Variants in KCNQ4 observed in about 807,000 individuals in gnomAD.
The protein encoded by KCNQ4 is potassium voltage-gated channel subfamily KQT member 4.
In KCNQ4, 31 loss-of-function variants were observed where a neutral mutation model predicts 72.6. The observed-to-expected ratio is 0.43, with a 90% CI of 0.32 to 0.58. KCNQ4 has a LOEUF of 0.58. Among genes scored for constraint, KCNQ4 ranks in the 20% least tolerant of loss-of-function variants. The pLI, the probability that KCNQ4 is intolerant of heterozygous loss-of-function variation, is 0.08. For synonymous variants in KCNQ4, 405 were observed against 403.7 expected, an observed-to-expected ratio of 1.00 and a Z score of -0.04; for missense variants, 869 against 962.6, an observed-to-expected ratio of 0.90 and a Z score of 1.29.
intron 10 of KCNQ4, among the ~76,000 whole-genome samples, chr1:40,832,487 C>T (rs968231598): frequency 2.0e-5 from 3 of 152,194 alleles, no homozygotes; most frequent in African/African-American, 7.2e-5. Context: ...CACCTCTCTG[C>T]GCAACACAGG....
At chr1:40,825,401 G>A (rs956703949) in intron 9 of KCNQ4, among the ~76,000 whole-genome samples, 5 of 152,182 alleles carry the variant, frequency 3.3e-5, no homozygotes, top group Non-Finnish European at 2.9e-5. Context: ...GCGGAAAATC[G>A]GCAGTGTTTA....
rs374376025 is a variant in KCNQ4, at chr1:40,824,172, G to A, written c.1206G>A (p.Ala402=). The change falls in exon 9 of 14, where the codon GCG becomes GCA. Residue 402 remains alanine, a synonymous_variant. Transcript: ENST00000347132. The part of the protein sequence containing the change: ...GGLRPLEVRR[A]PVPDGAPSRY... ...TACGGCCCCTGGAGGTGCGGCGGGC[G>A]CCGGTACCCGACGGAGCACCCTCCC... is the stretch of plus-strand genomic sequence containing the variant. The A allele has an allele frequency of 1.4e-4, 215 of 1,558,250 alleles. No individual in the cohort carries two copies. Among genetic ancestry groups the A allele is most frequent in the Middle Eastern group, 3.5e-4 (2 of 5,666 alleles).
chr1:40,836,553 A>G (rs7524000), intron 12 of KCNQ4, among the ~76,000 whole-genome samples: 3 of 152,196 alleles, frequency 2.0e-5, no homozygotes, highest in Admixed American at 6.5e-5. Flanking sequence ...GAAGACATCA[A>G]CTAGTGAGTG....
chr1:40,806,131 G>A (rs1007031417), intron 1 of KCNQ4, among the ~76,000 whole-genome samples: 7 of 152,182 alleles, frequency 4.6e-5, no homozygotes, highest in South Asian at 4.1e-4. Flanking sequence ...GTGAGCCACC[G>A]CGCCCGGCCT....
Position 40,827,494 on chromosome 1 carries a change from G to A in KCNQ4, c.1292+3236G>A, listed in dbSNP as rs566780892. Among the ~76,000 whole-genome samples the A allele has an allele frequency of 2.4e-4, 37 of 152,298 alleles. No homozygotes were observed. The South Asian group carries it at 5.8e-3, about 24-fold the overall frequency. On this transcript the variant is annotated intron_variant, in intron 9 of 13. Coordinates refer to ENST00000347132, the MANE Select transcript of KCNQ4 (RefSeq NM_004700.4). ...CCCCCCTGAGACTGGACATCAGAGCGAAGGTTGGGGGCAGAGCTGGGTCAT... is the reference window on the plus strand; with the variant it reads ...CCCCCCTGAGACTGGACATCAGAGCAAAGGTTGGGGGCAGAGCTGGGTCAT...
At chr1:40,797,408 A>G (rs1346558934) in intron 1 of KCNQ4, among the ~76,000 whole-genome samples, 1 of 152,244 alleles carries the variant, frequency 6.6e-6, no homozygotes, top group Non-Finnish European at 1.5e-5. Flanking sequence ...TGAACAGGGC[A>G]TTTGCAAAGA....
At chr1:40,828,138 G>T (rs148010478) in intron 9 of KCNQ4, among the ~76,000 whole-genome samples, 2 of 152,322 alleles carry the variant, frequency 1.3e-5, no homozygotes, top group Non-Finnish European at 2.9e-5. Context: ...TGTTCCCCCA[G>T]TGAGAGTGGC....
chr1:40,810,375 G>A (rs2148311622), intron 1 of KCNQ4, among the ~76,000 whole-genome samples: 3 of 152,308 alleles, frequency 2.0e-5, no homozygotes, highest in African/African-American at 7.2e-5. Flanking sequence ...GACCCCTTGA[G>A]TACACTGTCA....
chr1:40,837,799 G>A lies in KCNQ4; in HGVS notation c.1875+5G>A. 6.2e-7 allele frequency: 1 copy of A among 1,605,942 alleles called. No homozygotes were observed. Among genetic ancestry groups the A allele is most frequent in the Non-Finnish European group, 8.5e-7 (1 of 1,176,816 alleles). On this transcript the variant is annotated splice_donor_5th_base_variant and intron_variant, in intron 13 of 13. Coordinates refer to ENST00000347132, the MANE Select transcript of KCNQ4 (RefSeq NM_004700.4). ...GTGGTCAAGGTGGAGAAGCAGGTGA[G>A]TGTAGGATGGGGTGGCGGAGCTGGC...
chr1:40,799,728 C>T (rs1647524005), intron 1 of KCNQ4, among the ~76,000 whole-genome samples: 1 of 152,328 alleles, frequency 6.6e-6, no homozygotes, highest in East Asian at 1.9e-4. Context: ...GCCTTGGCCT[C>T]CACGAGGGAG....
intron 12 of KCNQ4, among the ~76,000 whole-genome samples, chr1:40,836,690 T>G (rs1036417401): frequency 6.6e-6 from 1 of 152,006 alleles, no homozygotes; most frequent in African/African-American, 2.4e-5. Context: ...GGAAAAGAAC[T>G]GGGAGAGGGT....
intron 1 of KCNQ4, among the ~76,000 whole-genome samples, chr1:40,801,433 G>A (rs1292264829): frequency 6.6e-6 from 1 of 152,170 alleles, no homozygotes. Flanking sequence ...GGCCGCAGTT[G>A]TATAAGAGGC....
At chr1:40,824,978 AAAG>A (rs1173029417) in intron 9 of KCNQ4, among the ~76,000 whole-genome samples, 2 of 152,224 alleles carry the variant, frequency 1.3e-5, no homozygotes, top group African/African-American at 4.8e-5. Flanking sequence ...CAAAATCTTG[AAAG>A]AAGAACAAAG....
chr1:40,820,274 G>A lies in KCNQ4; in HGVS notation c.1041+14G>A, dbSNP rs368048424. On this transcript the variant is annotated intron_variant, in intron 7 of 13. Transcript: ENST00000347132. ...AACCTCATCCAGGTACAAGATGCCCGGGAAGAAGCCCTAGGAGCAGGGCCG... is the reference window on the plus strand; with the variant it reads ...AACCTCATCCAGGTACAAGATGCCCAGGAAGAAGCCCTAGGAGCAGGGCCG... 6.0e-5 allele frequency: 95 copies of A among 1,586,382 alleles called. No individual in the cohort carries two copies. In the African/African-American group the frequency reaches 9.6e-4, roughly 16 times the overall value.
intron 12 of KCNQ4, among the ~76,000 whole-genome samples, chr1:40,836,700 T>TA (rs1239946355): frequency 5.3e-5 from 8 of 151,722 alleles, no homozygotes; most frequent in Non-Finnish European, 1.2e-4. Flanking sequence ...TGGGAGAGGG[T>TA]GGTGTTTCAA....
intron 12 of KCNQ4, among the ~76,000 whole-genome samples, chr1:40,837,116 C>A (rs1395750427): frequency 1.4e-5 from 2 of 143,924 alleles, no homozygotes; most frequent in Non-Finnish European, 3.0e-5. Context: ...GAGACAGTAT[C>A]TTGCTCTGTC....
At chr1:40,827,875 T>G (rs888625001) in intron 9 of KCNQ4, among the ~76,000 whole-genome samples, 1 of 151,978 alleles carries the variant, frequency 6.6e-6, no homozygotes, top group Non-Finnish European at 1.5e-5. Flanking sequence ...CTTATTTGAT[T>G]TGGTATGTTC....
chr1:40,801,149 TGTG>T (rs1048588416), intron 1 of KCNQ4, among the ~76,000 whole-genome samples: 2 of 127,060 alleles, frequency 1.6e-5, no homozygotes, highest in African/African-American at 6.1e-5. Flanking sequence ...GGGCTGGAAT[TGTG>T]GTGGTCAGTG....
chr1:40,802,245 G>C (rs1480783181), intron 1 of KCNQ4, among the ~76,000 whole-genome samples: 1 of 152,146 alleles, frequency 6.6e-6, no homozygotes, highest in Non-Finnish European at 1.5e-5. Flanking sequence ...TGAGGTGGAA[G>C]GGCGAGGCCG....
Sources: allele counts gnomAD v4.1 joint callset (sites outside exome capture counted in the v4.1 genomes callset), GRCh38; gene constraint gnomAD v4.1.1; transcripts MANE v1.5; gene names NCBI Gene and HGNC (gene_info 2026-07-23, HGNC 2026-07-21).